Variants in CPT2 observed in about 807,000 individuals in gnomAD.
CPT2 encodes the protein carnitine palmitoyltransferase 2, also known as carnitine O-palmitoyltransferase 2, mitochondrial.
In CPT2, 37 loss-of-function variants were observed where a neutral mutation model predicts 48.6. The observed-to-expected ratio is 0.76, with a 90% CI of 0.59 to 1.00. The LOEUF (loss-of-function observed/expected upper bound fraction) is 1.00, where lower values mean the gene tolerates loss of function less well. Among genes scored for constraint, CPT2 ranks in the 50% least tolerant of loss-of-function variants. CPT2 has a pLI of 0.00. For missense variants in CPT2, 772 were observed against 825.6 expected (o/e 0.94, Z 0.80); for synonymous variants, 319 against 326.9 (o/e 0.98, Z 0.26).
intron 3 of CPT2, among the ~76,000 whole-genome samples, chr1:53,205,838 T>TC (rs1450850455): frequency 1.3e-5 from 2 of 152,192 alleles, no homozygotes; most frequent in Non-Finnish European, 2.9e-5. Flanking sequence ...ATTGGAGGCT[T>TC]CCCCATGGTG....
intron 1 of CPT2, among the ~76,000 whole-genome samples, chr1:53,198,783 A>G (rs1273708908): frequency 6.6e-6 from 1 of 152,242 alleles, no homozygotes; most frequent in Non-Finnish European, 1.5e-5. Flanking sequence ...ACTCCAGTTC[A>G]AATAGTACCA....
intron 1 of CPT2, chr1:53,200,031 C>T (rs1645345364): frequency 6.6e-6 from 1 of 152,242 alleles, no homozygotes; most frequent in African/African-American, 2.4e-5. Flanking sequence ...ACTTTACTGT[C>T]CATGTGTTTT....
chr1:53,211,384 A>G (rs1645427370), intron 4 of CPT2, 65 bp downstream of exon 4: 2 of 1,426,406 alleles, frequency 1.4e-6, no homozygotes, highest in South Asian at 2.4e-5. Context: ...GCAAGCCTAA[A>G]TCATTCTACT....
rs766770153 is a variant in CPT2, at chr1:53,210,340, C to A, written c.666C>A (p.Asn222Lys). Residue 222 changes from asparagine to lysine, a missense_variant, in exon 4 of 5, where the codon AAC becomes AAA. Transcript: ENST00000371486. ...LDMSQYFRLF[N>K]STRLPKPSRD... ...TGTCCCAGTATTTTCGGCTTTTCAACTCAACTCGTTTACCCAAACCCAGTC... is the reference window on the plus strand; with the variant it reads ...TGTCCCAGTATTTTCGGCTTTTCAAATCAACTCGTTTACCCAAACCCAGTC... 7 of 1,614,162 alleles carry A rather than the reference C, an allele frequency of 4.3e-6. No individual in the cohort carries two copies. The highest frequency in any genetic ancestry group is 5.9e-6 in the Non-Finnish European group (7 of 1,180,046).
Position 53,210,001 on chromosome 1 carries a change from TTTTTA to T in CPT2, c.341-9_341-5del, listed in dbSNP as rs771031937. 3 of 1,607,008 alleles carry T rather than the reference TTTTTA, an allele frequency of 1.9e-6. No individual in the cohort carries two copies. The South Asian group carries it at 3.3e-5, about 18-fold the overall frequency. Reference sequence around the variant, plus strand: ...ATTAACATTTTATGTTATTTTTTTCTTTTTATTTTTTAGGACCCTGGTTTGATATG... The same window carrying T: ...ATTAACATTTTATGTTATTTTTTTCTTTTTTTAGGACCCTGGTTTGATATG... On this transcript the variant is annotated splice_polypyrimidine_tract_variant and intron_variant, in intron 3 of 4. Coordinates refer to ENST00000371486, the MANE Select transcript of CPT2 (RefSeq NM_000098.3).
chr1:53,205,920 C>T (rs946810072), intron 3 of CPT2, among the ~76,000 whole-genome samples: 11 of 152,180 alleles, frequency 7.2e-5, no homozygotes, highest in African/African-American at 2.2e-4. Context: ...CGGTGGCTCA[C>T]GCCTGTAATC....
rs372102993 is a variant in CPT2 at position 53,210,903 on chromosome 1, T to C, written c.1229T>C (p.Val410Ala). Residue 410 changes from valine to alanine, a missense_variant, in exon 4 of 5, where the codon GTC becomes GCC. Val to Ala is a moderately conservative substitution (Grantham distance 64, BLOSUM62 0). Transcript: ENST00000371486. ...CAGCCAGCTACCACTGACTCTACTG[T>C]CACGGTGCAGAAACTCAACTTCGAG... ...QSQPATTDSTVTVQKLNFELT... is the reference protein window; with the variant it reads ...QSQPATTDSTATVQKLNFELT... The C allele has an allele frequency of 3.1e-6, 5 of 1,614,070 alleles. No individual in the cohort carries two copies. The African/African-American group carries it at 6.7e-5, about 22-fold the overall frequency.
rs759970188 is a variant in CPT2 at position 53,213,490 on chromosome 1, T to C, written c.1872T>C (p.Asn624=). Residue 624 remains asparagine (N), a synonymous_variant, in exon 5 of 5, where the codon AAT becomes AAC. Coordinates refer to ENST00000371486, the MANE Select transcript of CPT2 (RefSeq NM_000098.3). ...YAVHDNWIGC[N]VSSYPGRNAR... ...TTCATGACAACTGGATAGGCTGCAA[T>C]GTCTCTTCCTACCCAGGCCGCAATG... 3.1e-6 allele frequency: 5 copies of C among 1,614,282 alleles called. No homozygotes were observed. The highest frequency in any genetic ancestry group is 4.2e-6 in the Non-Finnish European group (5 of 1,180,048).
chr1:53,197,352 C>G, intron 1 of CPT2: 1 of 569,374 alleles, frequency 1.8e-6, no homozygotes, highest in Admixed American at 3.0e-5. Context: ...TTCTCAGATT[C>G]CCTCTCCTTT....
At chr1:53,201,096 G>A (rs896996034) in intron 2 of CPT2, 7 of 439,978 alleles carry the variant, frequency 1.6e-5, no homozygotes, top group Non-Finnish European at 3.0e-5. Flanking sequence ...CATTTATAGA[G>A]AGCATGTACC....
At chr1:53,197,441 A>G (rs777443672) in intron 1 of CPT2, 4 of 398,734 alleles carry the variant, frequency 1.0e-5, no homozygotes, top group Non-Finnish European at 1.9e-5. Flanking sequence ...GCGCCGCTGT[A>G]ATCCCTCGAC....
At chr1:53,202,468 C>G in intron 3 of CPT2, 39 bp downstream of exon 3, 1 of 1,494,448 alleles carries the variant, frequency 6.7e-7, no homozygotes, top group Admixed American at 1.7e-5. Flanking sequence ...TCTCCCAGAG[C>G]CCTCCATAAT....
At chr1:53,204,844 A>G (rs1387831738) in intron 3 of CPT2, among the ~76,000 whole-genome samples, 3 of 152,226 alleles carry the variant, frequency 2.0e-5, no homozygotes, top group South Asian at 2.1e-4. Context: ...CTGCTGCCAC[A>G]TAAGATGTGC....
At chr1:53,209,676 T>C in intron 3 of CPT2, 1 of 328,000 alleles carries the variant, frequency 3.0e-6, no homozygotes. Context: ...CTCAGGAGGC[T>C]GAGGCAGGAG....
chr1:53,213,016 C>A (rs762420756), intron 4 of CPT2, among the ~76,000 whole-genome samples: 1 of 152,168 alleles, frequency 6.6e-6, no homozygotes, highest in African/African-American at 2.4e-5. Flanking sequence ...CTTTTAGGCT[C>A]ATTTTTAGCT....
Position 53,210,457 on chromosome 1 carries a change from G to A in CPT2, c.783G>A (p.Gly261=). 1 of 1,614,132 alleles carries A rather than the reference G, an allele frequency of 6.2e-7. No homozygotes were observed. The highest frequency in any genetic ancestry group is 1.1e-5 in the South Asian group (1 of 91,082). The change falls in exon 4 of 5, where the codon GGG becomes GGA. Residue 261 remains glycine (G), a synonymous_variant. Transcript: ENST00000371486. The part of the protein sequence containing the change: ...FYIFDVLDQD[G]NIVSPSEIQA... ...TCTTTGATGTCCTGGATCAAGATGG[G>A]AACATTGTGAGCCCCTCGGAAATCC...
At chr1:53,205,640 A>C (rs1472930989) in intron 3 of CPT2, among the ~76,000 whole-genome samples, 1 of 152,218 alleles carries the variant, frequency 6.6e-6, no homozygotes, top group African/African-American at 2.4e-5. Flanking sequence ...CATTTCAGAG[A>C]TCTTTACAGT....
chr1:53,205,665 TA>T (rs756707208), intron 3 of CPT2, among the ~76,000 whole-genome samples: 2 of 152,246 alleles, frequency 1.3e-5, no homozygotes, highest in Non-Finnish European at 2.9e-5. Context: ...CCTCCCAGCA[TA>T]GGCCCAGAGG....
intron 3 of CPT2, among the ~76,000 whole-genome samples, chr1:53,205,549 A>G (rs907705279): frequency 6.6e-6 from 1 of 152,246 alleles, no homozygotes; most frequent in Non-Finnish European, 1.5e-5. Flanking sequence ...GAGAAATTCA[A>G]GCCACAAGCT....
Sources: gnomAD v4.1 joint callset for allele counts (sites outside exome capture counted in the v4.1 genomes callset) on GRCh38, gnomAD v4.1.1 for gene constraint, MANE v1.5 for transcripts, NCBI Gene and HGNC (gene_info 2026-07-23, HGNC 2026-07-21) for gene names.